The following DAAM1 variants were observed in gnomAD, a reference collection of about 807,000 sequenced individuals.
DAAM1 encodes the protein disheveled-associated activator of morphogenesis 1.
A neutral mutation model predicts 130.0 loss-of-function variants in DAAM1; 52 were observed. The observed-to-expected ratio is 0.40, with a 90% CI of 0.32 to 0.50. The LOEUF (loss-of-function observed/expected upper bound fraction) is 0.50, where lower values mean the gene tolerates loss of function less well. DAAM1 is among the 20% of genes least tolerant of loss of function. The probability of loss-of-function intolerance (pLI) is 0.61; values close to 1 mark genes in which losing one functional copy is unlikely to be tolerated. For synonymous variants in DAAM1, 452 were observed against 444.5 expected, an observed-to-expected ratio of 1.02 and a Z score of -0.21; for missense variants, 1,134 against 1,303.8, an observed-to-expected ratio of 0.87 and a Z score of 2.01.
At chr14:59,341,523 CT>C (rs1422702660) in intron 16 of DAAM1, among the ~76,000 whole-genome samples, 2 of 152,016 alleles carry the variant, frequency 1.3e-5, no homozygotes, top group East Asian at 3.9e-4. Context: ...TTTAATTGTT[CT>C]ATTTTATTTT....
intron 1 of DAAM1, among the ~76,000 whole-genome samples, chr14:59,255,160 T>G (rs1233151568): frequency 6.6e-6 from 1 of 152,178 alleles, no homozygotes; most frequent in African/African-American, 2.4e-5. Context: ...GAAAAGTTAC[T>G]GGGTCTAGAG....
chr14:59,361,679 G>A (rs1335537293), intron 22 of DAAM1, among the ~76,000 whole-genome samples: 2 of 152,180 alleles, frequency 1.3e-5, no homozygotes, highest in African/African-American at 2.4e-5. Flanking sequence ...AGTGCCCTGC[G>A]GGTACTCTGC....
intron 1 of DAAM1, among the ~76,000 whole-genome samples, chr14:59,228,322 G>C (rs1889003859): frequency 6.6e-6 from 1 of 152,124 alleles, no homozygotes; most frequent in Admixed American, 6.6e-5. Context: ...TGTTAAAGAT[G>C]TGTAACCTAT....
intron 1 of DAAM1, among the ~76,000 whole-genome samples, chr14:59,201,608 T>C (rs1888106841): frequency 6.6e-6 from 1 of 151,982 alleles, no homozygotes; most frequent in Non-Finnish European, 1.5e-5. Context: ...AGAATGAGAC[T>C]CCATCTCCAC....
intron 3 of DAAM1, among the ~76,000 whole-genome samples, chr14:59,297,609 C>T (rs997357647): frequency 4.3e-4 from 66 of 152,196 alleles, no homozygotes; most frequent in African/African-American, 1.5e-3. Context: ...CCCCTCCCTC[C>T]GTGGTTTTGC....
chr14:59,245,681 T>A (rs910627664), intron 1 of DAAM1, among the ~76,000 whole-genome samples: 4 of 152,134 alleles, frequency 2.6e-5, no homozygotes, highest in Admixed American at 6.5e-5. Flanking sequence ...AGCAATGAAT[T>A]GGGGTGACAT....
At chr14:59,328,819 T>C (rs1885313909) in intron 12 of DAAM1, among the ~76,000 whole-genome samples, 1 of 152,198 alleles carries the variant, frequency 6.6e-6, no homozygotes, top group Admixed American at 6.5e-5. Flanking sequence ...CAGGTTGTTT[T>C]AGTGTTTTAA....
At chr14:59,268,571 C>G (rs1882566844) in intron 2 of DAAM1, among the ~76,000 whole-genome samples, 1 of 152,144 alleles carries the variant, frequency 6.6e-6, no homozygotes, top group Non-Finnish European at 1.5e-5. Flanking sequence ...TCCTGAAGAA[C>G]TGAGGACAAA....
chr14:59,329,170 A>G (rs1185125556), intron 12 of DAAM1, among the ~76,000 whole-genome samples: 1 of 152,176 alleles, frequency 6.6e-6, no homozygotes, highest in East Asian at 1.9e-4. Context: ...TACAAAATAG[A>G]CTTCTTGGAA....
At chr14:59,299,066 G>A (rs1884069896) in intron 3 of DAAM1, among the ~76,000 whole-genome samples, 1 of 152,142 alleles carries the variant, frequency 6.6e-6, no homozygotes, top group South Asian at 2.1e-4. Flanking sequence ...CCATCTGTTG[G>A]GGTATAACAT....
At chr14:59,340,593 A>C (rs1389044788) in intron 16 of DAAM1, among the ~76,000 whole-genome samples, 1 of 152,178 alleles carries the variant, frequency 6.6e-6, no homozygotes, top group Non-Finnish European at 1.5e-5. Context: ...TTTTCATTTC[A>C]AGGTTATATG....
At chr14:59,230,055 C>T (rs1001127969) in intron 1 of DAAM1, among the ~76,000 whole-genome samples, 1 of 152,114 alleles carries the variant, frequency 6.6e-6, no homozygotes, top group African/African-American at 2.4e-5. Flanking sequence ...ACTCTCTTAC[C>T]CTTGCAAATT....
At chr14:59,257,447 G>A (rs1881951494) in intron 1 of DAAM1, among the ~76,000 whole-genome samples, 1 of 151,920 alleles carries the variant, frequency 6.6e-6, no homozygotes, top group South Asian at 2.1e-4. Flanking sequence ...AACTGTCCTG[G>A]GAAACTGAAG....
chr14:59,320,240 A>G (rs1884954151), intron 4 of DAAM1, among the ~76,000 whole-genome samples: 1 of 152,220 alleles, frequency 6.6e-6, no homozygotes, highest in South Asian at 2.1e-4. Context: ...TATCAAATAC[A>G]AGTAGTAGTA....
Position 59,289,898 on chromosome 14 carries a change from G to A in DAAM1, c.184-1319G>A, listed in dbSNP as rs147567941. 5.5e-3 allele frequency among the ~76,000 whole-genome samples: 836 copies of A among 151,848 alleles called. 2 individuals carry two copies. Among genetic ancestry groups the A allele is most frequent in the Non-Finnish European group, 9.4e-3 (637 of 67,972 alleles). The stretch of plus-strand genomic sequence containing the variant: ...AGCCCAGAACAGAAAACGAAATATC[G>A]CATGTTCTCACTTATAAGTAAGAGC... On this transcript the variant is annotated intron_variant, in intron 2 of 24. Coordinates refer to ENST00000360909, the MANE Select transcript of DAAM1 (RefSeq NM_001270520.2).
chr14:59,329,725 T>C (rs549391269), intron 12 of DAAM1, among the ~76,000 whole-genome samples: 3 of 152,218 alleles, frequency 2.0e-5, no homozygotes, highest in Non-Finnish European at 2.9e-5. Context: ...AATGTGAATA[T>C]GCATTATGCT....
At position 59,291,235 on chromosome 14, in the gene DAAM1, G is replaced by C. The variant is rs753483080; in HGVS notation, c.202G>C (p.Asp68His). Residue 68 changes from aspartate to histidine, a missense_variant, in exon 3 of 25, where the codon GAC (aspartate) becomes CAC (histidine). Physicochemically the swap from Asp to His is moderately conservative, Grantham distance 81. Around this residue, in one of 3 missense-constraint regions of DAAM1, gnomAD observed 99 missense variants for 86.4 expected, o/e 1.15. Transcript: ENST00000360909. The stretch of plus-strand genomic sequence containing the variant: ...TTCTCAGGATGAACTGGACCTCACA[G>C]ACAAACACAGAGAAGCCATGTTTGC... ...SELVDELDLT[D>H]KHREAMFALP... is the part of the protein sequence containing the mutation. 1 of 1,610,306 alleles carries C rather than the reference G, an allele frequency of 6.2e-7. No individual in the cohort carries two copies. The highest frequency in any genetic ancestry group is 8.5e-7 in the Non-Finnish European group (1 of 1,178,918).
chr14:59,199,138 C>T (rs1594752968), intron 1 of DAAM1, among the ~76,000 whole-genome samples: 1 of 152,330 alleles, frequency 6.6e-6, no homozygotes, highest in South Asian at 2.1e-4. Context: ...TTGGCTGGAG[C>T]TAAGCCCCAT....
intron 1 of DAAM1, among the ~76,000 whole-genome samples, chr14:59,215,627 A>G (rs1180180127): frequency 6.6e-6 from 1 of 152,130 alleles, no homozygotes; most frequent in East Asian, 1.9e-4. Flanking sequence ...ATAATCCACC[A>G]CAGTAGTAAG....
Sources: allele counts gnomAD v4.1 joint callset (sites outside exome capture counted in the v4.1 genomes callset), GRCh38; gene constraint gnomAD v4.1.1; regional missense constraint gnomAD v4.1.1; transcripts MANE v1.5; gene names NCBI Gene and HGNC (gene_info 2026-07-23, HGNC 2026-07-21).